The following FHOD3 variants were observed in gnomAD, a reference collection of about 807,000 sequenced individuals.
FHOD3 encodes FH1/FH2 domain-containing protein 3.
FHOD3 carries 90 observed loss-of-function variants against 173.0 expected under a neutral mutation model. The observed-to-expected ratio is 0.52, with a 90% CI of 0.44 to 0.62. The LOEUF is 0.62. Ranked by LOEUF, FHOD3 falls within the 20% of genes least tolerant of loss-of-function variation. FHOD3 has a pLI of 0.00. For synonymous variants in FHOD3, 828 were observed against 823.0 expected (o/e 1.01, Z -0.10); for missense variants, 1,945 against 2,034.7 (o/e 0.96, Z 0.85).
At chr18:36,737,976 T>C (rs2079658643) in intron 20 of FHOD3, among the ~76,000 whole-genome samples, 1 of 152,248 alleles carries the variant, frequency 6.6e-6, no homozygotes, top group African/African-American at 2.4e-5. Flanking sequence ...AAAACTCTTG[T>C]GTTGCCCTTT....
chr18:36,332,619 G>A (rs765853176), intron 1 of FHOD3, among the ~76,000 whole-genome samples: 19 of 152,208 alleles, frequency 1.2e-4, no homozygotes, highest in Non-Finnish European at 2.2e-4. Context: ...GTCTGTTTCT[G>A]TGTCCTAGAC....
chr18:36,605,963 T>C (rs2032022941), intron 8 of FHOD3, among the ~76,000 whole-genome samples: 1 of 152,162 alleles, frequency 6.6e-6, no homozygotes, highest in Non-Finnish European at 1.5e-5. Context: ...TGGTAACTGT[T>C]CTAAAACTGA....
At chr18:36,530,901 C>T (rs114135108) in intron 5 of FHOD3, among the ~76,000 whole-genome samples, 3,233 of 152,246 alleles carry the variant, frequency 0.021, 115 homozygotes, top group African/African-American at 0.073. Flanking sequence ...GAGGCCCCTG[C>T]GGTGAGTGAC....
intron 25 of FHOD3, among the ~76,000 whole-genome samples, chr18:36,757,859 C>T (rs1245109314): frequency 6.6e-6 from 1 of 152,188 alleles, no homozygotes; most frequent in East Asian, 1.9e-4. Context: ...ACACGAGGCA[C>T]CTACAGCCTT....
Position 36,717,954 on chromosome 18 carries a change from G to A in FHOD3, c.2656G>A (p.Glu886Lys), listed in dbSNP as rs1367381269. 6.2e-7 allele frequency: 1 copy of A among 1,613,974 alleles called. No homozygotes were observed. Among genetic ancestry groups the A allele is most frequent in the African/African-American group, 1.3e-5 (1 of 74,914 alleles). ...TAACAGGAAGTCTCCGGATGATGAGGAGAAGGGGGATGGGGAGGCTGGGAG... is the reference window on the plus strand; with the variant it reads ...TAACAGGAAGTCTCCGGATGATGAGAAGAAGGGGGATGGGGAGGCTGGGAG... ...AHNRKSPDDE[E>K]KGDGEAGRTQ... The change falls in exon 19 of 29, where the codon GAG becomes AAG. Residue 886 changes from glutamate (E) to lysine (K), a missense_variant. Physicochemically the swap from Glu to Lys is moderately conservative, Grantham distance 56. Coordinates refer to ENST00000590592, the MANE Select transcript of FHOD3 (RefSeq NM_001281740.3).
At chr18:36,706,886 CAT>C (rs78251490) in intron 17 of FHOD3, among the ~76,000 whole-genome samples, 27,504 of 152,140 alleles carry the variant, frequency 0.18, 2,658 homozygotes, top group African/African-American at 0.23. Flanking sequence ...TGTGCAAAAA[CAT>C]GTGCTTTCTG....
intron 5 of FHOD3, among the ~76,000 whole-genome samples, chr18:36,519,041 A>G (rs1253974146): frequency 2.6e-5 from 4 of 152,132 alleles, no homozygotes; most frequent in Non-Finnish European, 5.9e-5. Flanking sequence ...GTCATGACAC[A>G]TGCTTCCCTG....
At chr18:36,717,588 C>A (rs910379548) in intron 18 of FHOD3, among the ~76,000 whole-genome samples, 4 of 152,096 alleles carry the variant, frequency 2.6e-5, no homozygotes, top group African/African-American at 9.7e-5. Context: ...TCCCATGAGC[C>A]CAGGTAGGAG....
In FHOD3 at chr18:36,355,570, A is replaced by T. The variant is rs375600648; in HGVS notation, c.197A>T (p.Asn66Ile). The T allele has an allele frequency of 6.2e-7, 1 of 1,614,128 alleles. No individual in the cohort carries two copies. ...LDDCTLQLSH[N>I]GAYLDLEATL... The stretch of plus-strand genomic sequence containing the variant: ...GACTGTACTCTGCAGCTCTCTCACA[A>T]TGGCGCCTACCTGGATTTGGAGGCC... The change falls in exon 2 of 29, where the codon AAT (asparagine) becomes ATT (isoleucine). Residue 66 changes from asparagine (N) to isoleucine (I), a missense_variant. By Grantham distance (149) the Asn-to-Ile change is moderately radical (BLOSUM62 -3). Transcript: ENST00000590592.
chr18:36,770,053 C>T (rs1218910949), intron 28 of FHOD3, among the ~76,000 whole-genome samples: 1 of 152,228 alleles, frequency 6.6e-6, no homozygotes, highest in Non-Finnish European at 1.5e-5. Context: ...CCACCCAACT[C>T]ATGGGTGTGG....
chr18:36,716,934 G>A (rs931750664), intron 18 of FHOD3, among the ~76,000 whole-genome samples: 2 of 151,664 alleles, frequency 1.3e-5, no homozygotes, highest in Non-Finnish European at 1.5e-5. Context: ...GTGTGTGTGT[G>A]TGTGTGTGTG....
At position 36,593,747 on chromosome 18, in the gene FHOD3, A is replaced by C. The variant is rs187301939; in HGVS notation, c.607-1040A>C. On this transcript the variant is annotated intron_variant, in intron 6 of 28. Transcript: ENST00000590592. ...ACTGACTGATTTATTCAGTCAACAA[A>C]CACCTTCCAGCTCCCTCTGTGCCAA... Among the ~76,000 whole-genome samples the C allele has an allele frequency of 3.4e-4, 52 of 152,210 alleles. No homozygotes were observed. The East Asian group carries it at 7.9e-3, about 23-fold the overall frequency.
At chr18:36,552,574 C>T (rs912286438) in intron 5 of FHOD3, among the ~76,000 whole-genome samples, 10 of 151,430 alleles carry the variant, frequency 6.6e-5, no homozygotes, top group African/African-American at 2.4e-4. Context: ...TCTCGGCTCA[C>T]TGCAAGCTCC....
intron 3 of FHOD3, among the ~76,000 whole-genome samples, chr18:36,480,365 G>A (rs1415490865): frequency 6.6e-6 from 1 of 152,188 alleles, no homozygotes; most frequent in Non-Finnish European, 1.5e-5. Flanking sequence ...CAGGGAGATG[G>A]TCATTGTCCA....
At chr18:36,366,619 G>A (rs1568177820) in intron 2 of FHOD3, among the ~76,000 whole-genome samples, 1 of 152,014 alleles carries the variant, frequency 6.6e-6, no homozygotes, top group Non-Finnish European at 1.5e-5. Flanking sequence ...GGGGAGAAGA[G>A]AACACACCCG....
At chr18:36,409,705 A>G (rs553669441) in intron 3 of FHOD3, among the ~76,000 whole-genome samples, 1 of 152,352 alleles carries the variant, frequency 6.6e-6, no homozygotes, top group East Asian at 1.9e-4. Flanking sequence ...TGACCGTCAG[A>G]TACAGACTTT....
intron 3 of FHOD3, among the ~76,000 whole-genome samples, chr18:36,495,985 G>T (rs961800793): frequency 7.9e-5 from 12 of 152,204 alleles, no homozygotes; most frequent in African/African-American, 2.7e-4. Context: ...GTGATGTAAA[G>T]AATGTCTTTG....
At chr18:36,549,997 A>T (rs1760990771) in intron 5 of FHOD3, among the ~76,000 whole-genome samples, 1 of 151,726 alleles carries the variant, frequency 6.6e-6, no homozygotes, top group Admixed American at 6.6e-5. Context: ...TCAAAGTTTT[A>T]TGTCGTTCAT....
rs527475061 is a variant in FHOD3, at chr18:36,316,676, C to T, written c.165+18676C>T. Among the ~76,000 whole-genome samples the T allele has an allele frequency of 1.2e-3, 184 of 152,294 alleles. 1 individual carries two copies. The highest frequency in any genetic ancestry group is 2.2e-3 in the Non-Finnish European group (147 of 68,020). On this transcript the variant is annotated intron_variant, in intron 1 of 28. Coordinates refer to ENST00000590592, the MANE Select transcript of FHOD3 (RefSeq NM_001281740.3). ...GGCAAACTGTAAGAGCCCACCCCAGCGCCTGCTGTTCTGCAGCTCTGTTCC... is the reference window on the plus strand; with the variant it reads ...GGCAAACTGTAAGAGCCCACCCCAGTGCCTGCTGTTCTGCAGCTCTGTTCC...
Sources: gnomAD v4.1 joint callset for allele counts (sites outside exome capture counted in the v4.1 genomes callset) on GRCh38, gnomAD v4.1.1 for gene constraint, MANE v1.5 for transcripts, NCBI Gene and HGNC (gene_info 2026-07-23, HGNC 2026-07-21) for gene names.